The following TMEM132D variants were observed in gnomAD, a reference collection of about 807,000 sequenced individuals.
The protein encoded by TMEM132D is transmembrane protein 132D, also known as mature OL transmembrane protein.
TMEM132D carries 21 observed loss-of-function variants against 62.3 expected under a neutral mutation model. That is an observed-to-expected ratio of 0.34 (90% CI 0.24 to 0.49). TMEM132D has a LOEUF of 0.49. TMEM132D is among the 20% of genes least tolerant of loss of function. The probability of loss-of-function intolerance (pLI) is 0.99; values close to 1 mark genes in which losing one functional copy is unlikely to be tolerated. For missense variants in TMEM132D, 1,346 were observed against 1,402.8 expected, an observed-to-expected ratio of 0.96 and a Z score of 0.65; for synonymous variants, 621 against 575.6, an observed-to-expected ratio of 1.08 and a Z score of -1.13.
intron 3 of TMEM132D, among the ~76,000 whole-genome samples, chr12:129,356,475 C>T (rs1042162612): frequency 2.6e-5 from 4 of 151,206 alleles, no homozygotes; most frequent in Non-Finnish European, 5.9e-5. Flanking sequence ...TAAAGTAAGG[C>T]GGATGCCGAA....
intron 5 of TMEM132D, among the ~76,000 whole-genome samples, chr12:129,172,643 A>T (rs1403877246): frequency 6.6e-6 from 1 of 152,068 alleles, no homozygotes; most frequent in East Asian, 1.9e-4. Context: ...CAATGGTGAG[A>T]TCTTGGCTCA....
intron 1 of TMEM132D, among the ~76,000 whole-genome samples, chr12:129,771,919 CACAG>C (rs1870767242): frequency 6.6e-6 from 1 of 152,150 alleles, no homozygotes; most frequent in African/African-American, 2.4e-5. Flanking sequence ...ATGCTTATTA[CACAG>C]ACAAAGAAAC....
At position 129,543,893 on chromosome 12, in the gene TMEM132D, C is replaced by T. The variant is rs145681336; in HGVS notation, c.969-12688G>A. ...AAAATCTGCTTGACTGGTGCCCCCT[C>T]GATGGACACAGAGGTGGTTCCTAAT... On this transcript the variant is annotated intron_variant, in intron 2 of 8. Coordinates refer to ENST00000422113, the MANE Select transcript of TMEM132D (RefSeq NM_133448.3). Among the ~76,000 whole-genome samples the T allele has an allele frequency of 5.3e-3, 810 of 152,250 alleles. 8 individuals carry two copies. The highest frequency in any genetic ancestry group is 0.018 in the African/African-American group (763 of 41,530).
chr12:129,593,760 C>T (rs1175692740), intron 2 of TMEM132D, among the ~76,000 whole-genome samples: 1 of 152,150 alleles, frequency 6.6e-6, no homozygotes, highest in African/African-American at 2.4e-5. Flanking sequence ...TGCTTCACAC[C>T]TTTTAAAGCA....
intron 2 of TMEM132D, among the ~76,000 whole-genome samples, chr12:129,540,227 T>C (rs1264048233): frequency 6.6e-6 from 1 of 152,112 alleles, no homozygotes; most frequent in Non-Finnish European, 1.5e-5. Context: ...CAGGCATTCC[T>C]ACAGGTGCTA....
At chr12:129,413,997 G>A (rs1463952853) in intron 3 of TMEM132D, among the ~76,000 whole-genome samples, 1 of 152,154 alleles carries the variant, frequency 6.6e-6, no homozygotes, top group Non-Finnish European at 1.5e-5. Flanking sequence ...ACAAATCTAT[G>A]AGTGCAAGGG....
chr12:129,720,340 C>G (rs1031335477), intron 1 of TMEM132D, among the ~76,000 whole-genome samples: 2 of 152,192 alleles, frequency 1.3e-5, no homozygotes, highest in Non-Finnish European at 2.9e-5. Flanking sequence ...TGACTGATTC[C>G]TAAATATTCA....
At chr12:129,319,583 A>G (rs1868613790) in intron 4 of TMEM132D, among the ~76,000 whole-genome samples, 1 of 152,346 alleles carries the variant, frequency 6.6e-6, no homozygotes, top group Non-Finnish European at 1.5e-5. Flanking sequence ...TAAAGCCACA[A>G]GGAAGGATGA....
intron 3 of TMEM132D, among the ~76,000 whole-genome samples, chr12:129,475,778 T>A (rs746882444): frequency 2.6e-5 from 4 of 152,196 alleles, no homozygotes; most frequent in Non-Finnish European, 5.9e-5. Flanking sequence ...GTCTGCACCG[T>A]GTAAAGACAG....
intron 5 of TMEM132D, among the ~76,000 whole-genome samples, chr12:129,125,337 C>T (rs1239845029): frequency 6.6e-6 from 1 of 152,122 alleles, no homozygotes; most frequent in African/African-American, 2.4e-5. Context: ...AGAATTGGTT[C>T]AGCAGTTCTA....
chr12:129,879,185 T>G (rs1202278154), intron 1 of TMEM132D, among the ~76,000 whole-genome samples: 1 of 152,190 alleles, frequency 6.6e-6, no homozygotes, highest in Non-Finnish European at 1.5e-5. Context: ...ACATAAGAGT[T>G]TGTGTTCCTT....
At chr12:129,275,904 A>G (rs1372773369) in intron 4 of TMEM132D, among the ~76,000 whole-genome samples, 1 of 152,232 alleles carries the variant, frequency 6.6e-6, no homozygotes, top group Admixed American at 6.5e-5. Flanking sequence ...GAGGGCTGTG[A>G]GGTCGAGTTG....
At chr12:129,384,699 C>T (rs1489522688) in intron 3 of TMEM132D, among the ~76,000 whole-genome samples, 2 of 152,148 alleles carry the variant, frequency 1.3e-5, no homozygotes, top group African/African-American at 4.8e-5. Flanking sequence ...GACTTTGGTC[C>T]ACTGCAGACC....
At chr12:129,195,698 A>C (rs1878528857) in intron 5 of TMEM132D, among the ~76,000 whole-genome samples, 1 of 152,154 alleles carries the variant, frequency 6.6e-6, no homozygotes, top group African/African-American at 2.4e-5. Flanking sequence ...AATTGAAGTG[A>C]CTCTAATTGA....
intron 4 of TMEM132D, among the ~76,000 whole-genome samples, chr12:129,289,912 T>G (rs1416584575): frequency 1.3e-5 from 2 of 152,204 alleles, no homozygotes; most frequent in African/African-American, 4.8e-5. Flanking sequence ...TATTCTGGAC[T>G]GAGAGAGACT....
chr12:129,605,587 T>TTGTATATATA (rs1555221320), intron 2 of TMEM132D, among the ~76,000 whole-genome samples: 3 of 107,366 alleles, frequency 2.8e-5, no homozygotes, highest in African/African-American at 1.2e-4. Context: ...AAATTAGGCA[T>TTGTATATATA]TATATATATA....
rs1470114467 is a variant in TMEM132D at position 129,884,383 on chromosome 12, TAAAC to T, written c.79+18874_79+18877del. 3.9e-5 allele frequency among the ~76,000 whole-genome samples: 6 copies of T among 152,282 alleles called. No homozygotes were observed. The East Asian group carries it at 7.7e-4, about 20-fold the overall frequency. On this transcript the variant is annotated intron_variant, in intron 1 of 8. Transcript: ENST00000422113. ...ATGGTTTAAAGACTTGTCTACAAAA[TAAAC>T]AAACAATTCTCAAAACTGAATAGTA... is the stretch of plus-strand genomic sequence containing the variant.
At chr12:129,222,834 C>T (rs1057182603) in intron 4 of TMEM132D, among the ~76,000 whole-genome samples, 4 of 152,024 alleles carry the variant, frequency 2.6e-5, no homozygotes, top group African/African-American at 7.2e-5. Flanking sequence ...ACTTGATGTA[C>T]AGCATGTTTA....
chr12:129,676,043 A>T (rs1233848582), intron 2 of TMEM132D, among the ~76,000 whole-genome samples: 1 of 152,210 alleles, frequency 6.6e-6, no homozygotes, highest in Admixed American at 6.5e-5. Context: ...AGTGTGTGCT[A>T]TGTGCCCAGC....
Sources: gnomAD v4.1 joint callset for allele counts (sites outside exome capture counted in the v4.1 genomes callset) on GRCh38, gnomAD v4.1.1 for gene constraint, MANE v1.5 for transcripts, NCBI Gene and HGNC (gene_info 2026-07-23, HGNC 2026-07-21) for gene names.